PODXL2: variants seen among roughly 807,000 people sequenced by gnomAD.
The protein encoded by PODXL2 is podocalyxin-like protein 2.
In PODXL2, 17 loss-of-function variants were observed where a neutral mutation model predicts 53.4. That is an observed-to-expected ratio of 0.32 (90% CI 0.22 to 0.48). PODXL2 has a LOEUF of 0.48. Ranked by LOEUF, PODXL2 falls within the 20% of genes least tolerant of loss-of-function variation. The pLI is 0.99. For synonymous variants in PODXL2, 311 were observed against 306.7 expected, an observed-to-expected ratio of 1.01 and a Z score of -0.15; for missense variants, 673 against 760.0, an observed-to-expected ratio of 0.89 and a Z score of 1.35.
intron 2 of PODXL2, 37 bp downstream of exon 2, chr3:127,639,560 C>G (rs2074601202): frequency 6.4e-7 from 1 of 1,560,710 alleles, no homozygotes; most frequent in Admixed American, 1.9e-5. Flanking sequence ...TGTTGAGTGC[C>G]AGCCAAGTGT....
At chr3:127,668,940 A>G (rs1279256771) in intron 5 of PODXL2, among the ~76,000 whole-genome samples, 1 of 152,196 alleles carries the variant, frequency 6.6e-6, no homozygotes, top group Non-Finnish European at 1.5e-5. Context: ...GGTGTTATAC[A>G]AATCGATGTT....
At chr3:127,667,520 A>G (rs1165210497) in intron 4 of PODXL2, among the ~76,000 whole-genome samples, 1 of 152,194 alleles carries the variant, frequency 6.6e-6, no homozygotes, top group Non-Finnish European at 1.5e-5. Flanking sequence ...GAGTGGCCAC[A>G]GGGCCAAAGG....
rs556150216 is a variant in PODXL2, at chr3:127,631,513, A to G, written c.70+2224A>G. The stretch of plus-strand genomic sequence containing the variant: ...TGAGGCTGATCCCCTAATCCTTTTC[A>G]TGTGCCATCTTTTTCTCTCTCCTCT... On this transcript the variant is annotated intron_variant, in intron 1 of 7. Transcript: ENST00000342480. Among the ~76,000 whole-genome samples the G allele has an allele frequency of 2.0e-5, 3 of 152,146 alleles. No individual in the cohort carries two copies. The South Asian group carries it at 6.2e-4, about 32-fold the overall frequency.
intron 1 of PODXL2, among the ~76,000 whole-genome samples, chr3:127,631,717 T>C (rs2107701868): frequency 6.6e-6 from 1 of 152,348 alleles, no homozygotes; most frequent in Non-Finnish European, 1.5e-5. Context: ...TATTTTGGTG[T>C]CATCTTATGG....
chr3:127,657,522 G>C (rs2074732804), intron 2 of PODXL2, among the ~76,000 whole-genome samples: 1 of 152,144 alleles, frequency 6.6e-6, no homozygotes. Flanking sequence ...GTCATCTCTT[G>C]AGTCTGCTCT....
At chr3:127,664,421 G>T (rs2074783951) in intron 4 of PODXL2, among the ~76,000 whole-genome samples, 1 of 151,498 alleles carries the variant, frequency 6.6e-6, no homozygotes, top group Non-Finnish European at 1.5e-5. Context: ...CACTTGCATT[G>T]CTTCCATCTT....
chr3:127,665,691 G>GAA (rs1189529713), intron 4 of PODXL2, among the ~76,000 whole-genome samples: 1 of 152,184 alleles, frequency 6.6e-6, no homozygotes, highest in Non-Finnish European at 1.5e-5. Context: ...ATCCTTTAGT[G>GAA]AAAATCCTGA....
chr3:127,641,466 C>T (rs2074619839), intron 2 of PODXL2, among the ~76,000 whole-genome samples: 1 of 152,060 alleles, frequency 6.6e-6, no homozygotes, highest in Non-Finnish European at 1.5e-5. Flanking sequence ...CCCTTGGCCT[C>T]CCAAAGTGCT....
intron 2 of PODXL2, 41 bp downstream of exon 2, chr3:127,639,564 CAA>C (rs1559873161): frequency 6.4e-7 from 1 of 1,554,892 alleles, no homozygotes; most frequent in East Asian, 2.3e-5. Flanking sequence ...GAGTGCCAGC[CAA>C]GTGTCTAGGC....
chr3:127,630,236 C>G (rs575542649), intron 1 of PODXL2, among the ~76,000 whole-genome samples: 3 of 152,250 alleles, frequency 2.0e-5, no homozygotes, highest in Non-Finnish European at 4.4e-5. Context: ...AGCTGAGCAG[C>G]TCCTGCACAC....
rs2074858942 is a variant in PODXL2 at position 127,672,554 on chromosome 3, C to T, written c.*74C>T. On this transcript the variant is annotated 3_prime_UTR_variant, in exon 8 of 8. Transcript: ENST00000342480. ...GACCCCGAAACGGACGGCCCGGAGCCCGCACCAGCCCCGCGCCTACCCGGG... is the reference window on the plus strand; with the variant it reads ...GACCCCGAAACGGACGGCCCGGAGCTCGCACCAGCCCCGCGCCTACCCGGG... The T allele has an allele frequency of 2.0e-6, 2 of 993,736 alleles. No homozygotes were observed. Among genetic ancestry groups the T allele is most frequent in the South Asian group, 1.9e-5 (1 of 53,980 alleles). The allele number at this position is 993,736 out of a possible 1,614,324, so 61.6% of individuals were successfully genotyped here. A position where few individuals can be genotyped will look rare whatever the true frequency, so the allele number is the denominator to read the frequency against.
rs559423915 is a variant in PODXL2 at position 127,664,986 on chromosome 3, C to A, written c.1206+2675C>A. On this transcript the variant is annotated intron_variant, in intron 4 of 7. Coordinates refer to ENST00000342480, the MANE Select transcript of PODXL2 (RefSeq NM_015720.4). ...GACATTATTTCCTTTTGCCCCTACC[C>A]CCAAATACATTAGTTTGTGTTTCCT... Among the ~76,000 whole-genome samples, 3 of 152,216 alleles carry A rather than the reference C, an allele frequency of 2.0e-5. No individual in the cohort carries two copies. The East Asian group carries it at 5.8e-4, about 29-fold the overall frequency.
intron 2 of PODXL2, among the ~76,000 whole-genome samples, chr3:127,657,302 A>C (rs1005714218): frequency 1.4e-4 from 21 of 152,106 alleles, no homozygotes; most frequent in Admixed American, 9.2e-4. Context: ...TCCCCACCCC[A>C]TGGGATTCTG....
In PODXL2 at chr3:127,636,728, A is replaced by G. The variant is rs1576426545; in HGVS notation, c.71-2517A>G. 2.0e-5 allele frequency among the ~76,000 whole-genome samples: 3 copies of G among 152,336 alleles called. No homozygotes were observed. In the East Asian group the frequency reaches 5.8e-4, roughly 29 times the overall value. On this transcript the variant is annotated intron_variant, in intron 1 of 7. Coordinates refer to ENST00000342480, the MANE Select transcript of PODXL2 (RefSeq NM_015720.4). ...CCTGGTTTGGACTTGGCAGAAGGCA[A>G]TCCCCTGTGAGCAGTCCTCAGGAGC...
At chr3:127,653,322 G>A (rs2074701190) in intron 2 of PODXL2, among the ~76,000 whole-genome samples, 1 of 152,214 alleles carries the variant, frequency 6.6e-6, no homozygotes, top group Non-Finnish European at 1.5e-5. Context: ...CCTCTTGACA[G>A]CTCAAGCATG....
intron 1 of PODXL2, among the ~76,000 whole-genome samples, chr3:127,638,099 C>T (rs1207858823): frequency 6.6e-6 from 1 of 152,170 alleles, no homozygotes; most frequent in Non-Finnish European, 1.5e-5. Context: ...CATTTAGCTT[C>T]CTTGTCTATC....
chr3:127,666,428 GTATT>G (rs2074795336), intron 4 of PODXL2, among the ~76,000 whole-genome samples: 2 of 151,182 alleles, frequency 1.3e-5, no homozygotes, highest in South Asian at 4.2e-4. Flanking sequence ...TTGAACCAAT[GTATT>G]TATTTATTTT....
chr3:127,647,562 T>C (rs892269003), intron 2 of PODXL2, among the ~76,000 whole-genome samples: 2 of 152,218 alleles, frequency 1.3e-5, no homozygotes, highest in African/African-American at 2.4e-5. Context: ...GGGGACTTTA[T>C]TGGCTGAAGA....
chr3:127,671,989 G>C (rs1047245266), intron 7 of PODXL2, among the ~76,000 whole-genome samples: 1 of 152,244 alleles, frequency 6.6e-6, no homozygotes, highest in African/African-American at 2.4e-5. Context: ...GAAGCGAGCA[G>C]AGCCCTAGCG....
Sources: gnomAD v4.1 joint callset for allele counts (sites outside exome capture counted in the v4.1 genomes callset) on GRCh38, gnomAD v4.1.1 for gene constraint, MANE v1.5 for transcripts, NCBI Gene and HGNC (gene_info 2026-07-23, HGNC 2026-07-21) for gene names.